The following NTRK1 variants were observed in gnomAD, a reference collection of about 807,000 sequenced individuals.
NTRK1 encodes neurotrophic receptor tyrosine kinase 1.
NTRK1 carries 62 observed loss-of-function variants against 86.8 expected under a neutral mutation model. The ratio of observed to expected loss-of-function variants is 0.71; its 90% CI spans 0.58 to 0.88. The LOEUF is 0.88. NTRK1 is among the 40% of genes least tolerant of loss of function. The pLI is 0.00. For missense variants in NTRK1, 967 were observed against 1,078.4 expected (o/e 0.90, Z 1.45); for synonymous variants, 469 against 456.6 (o/e 1.03, Z -0.35).
At chr1:156,849,535 C>T (rs1655131832) in intron 2 of NTRK1, 8 of 1,131,054 alleles carry the variant, frequency 7.1e-6, no homozygotes, top group Non-Finnish European at 1.0e-5. Flanking sequence ...CTTATGGGTT[C>T]CTCCTGGAAG....
intron 12 of NTRK1, 37 bp downstream of exon 12, chr1:156,875,703 G>GTGTA: frequency 8.4e-7 from 1 of 1,190,220 alleles, no homozygotes. Context: ...AGGGACGAGT[G>GTGTA]TGTGTGTGTG....
upstream of NTRK1, chr1:156,860,741 G>T (rs906600776): frequency 7.7e-5 from 81 of 1,052,718 alleles, no homozygotes; most frequent in Non-Finnish European, 9.6e-5. Flanking sequence ...AGGGGGCAGA[G>T]GGGGGGGCGT....
At chr1:156,844,995 C>A in intron 2 of NTRK1, 2 of 1,527,780 alleles carry the variant, frequency 1.3e-6, no homozygotes, top group Non-Finnish European at 8.9e-7. Flanking sequence ...CTGGGGTTAG[C>A]GAGAAGTCAA....
intron 7 of NTRK1, 38 bp from the exon 8 acceptor site, chr1:156,873,595 C>G (rs369092390): frequency 2.5e-6 from 4 of 1,579,670 alleles, no homozygotes. Flanking sequence ...CCTCCAGCTG[C>G]GCCCTGACCT....
intron 8 of NTRK1, 186 bp downstream of exon 8, chr1:156,874,145 T>C (rs2102907514): frequency 1.1e-6 from 1 of 870,232 alleles, no homozygotes; most frequent in Non-Finnish European, 1.8e-6. Flanking sequence ...CCTGAACTCC[T>C]GAGCTATTCC....
rs1647704858 is a variant in NTRK1, at chr1:156,873,699, A to C, written c.917A>C (p.Asp306Ala). 2.5e-6 allele frequency: 4 copies of C among 1,611,384 alleles called. No homozygotes were observed. The highest frequency in any genetic ancestry group is 3.4e-6 in the Non-Finnish European group (4 of 1,179,398). Residue 306 changes from aspartate to alanine, a missense_variant, in exon 8 of 17, where the codon GAT becomes GCT. Transcript: ENST00000524377. Reference sequence around the variant, plus strand: ...CACTGGTGCATCCCCTTCTCTGTGGATGGGCAGCCGGCACCGTCTCTGCGC... The same window carrying C: ...CACTGGTGCATCCCCTTCTCTGTGGCTGGGCAGCCGGCACCGTCTCTGCGC... Reference protein sequence around the residue: ...MHHWCIPFSVDGQPAPSLRWL... With the variant: ...MHHWCIPFSVAGQPAPSLRWL...
chr1:156,845,433 C>A (rs1453815651), intron 2 of NTRK1: 1 of 1,533,394 alleles, frequency 6.5e-7, no homozygotes, highest in Non-Finnish European at 8.8e-7. Flanking sequence ...CCAGGAGTAG[C>A]CCTATCAGGC....
intron 2 of NTRK1, chr1:156,849,561 G>C (rs970118064): frequency 7.3e-6 from 6 of 824,426 alleles, no homozygotes; most frequent in African/African-American, 3.4e-5. Flanking sequence ...TGCTGGGCCC[G>C]GGGAGAGGGG....
chr1:156,817,363 G>C (rs998802296), intron 1 of NTRK1, among the ~76,000 whole-genome samples: 1 of 151,872 alleles, frequency 6.6e-6, no homozygotes, highest in African/African-American at 2.4e-5. Flanking sequence ...CGAGAGAATC[G>C]CTTGAGCCCA....
At chr1:156,841,221 G>A (rs2102852050) in intron 1 of NTRK1, 1 of 982,896 alleles carries the variant, frequency 1.0e-6, no homozygotes, top group South Asian at 1.5e-5. Context: ...TGCCTGGGAG[G>A]GTGAGAAGGG....
intron 6 of NTRK1, among the ~76,000 whole-genome samples, chr1:156,869,762 G>A (rs148423364): frequency 2.0e-5 from 3 of 152,206 alleles, no homozygotes; most frequent in Admixed American, 1.3e-4. Context: ...TTAGGCTGGC[G>A]ATGGGCCGAT....
chr1:156,864,860 A>G (rs931376860), intron 3 of NTRK1, 61 bp downstream of exon 3: 1 of 1,528,766 alleles, frequency 6.5e-7, no homozygotes. Context: ...TGGGCTGCTA[A>G]TGGGCTTGGC....
At chr1:156,852,941 C>A (rs2102868589) in intron 2 of NTRK1, among the ~76,000 whole-genome samples, 1 of 152,218 alleles carries the variant, frequency 6.6e-6, no homozygotes, top group Middle Eastern at 3.4e-3. Context: ...AGCTGACCTC[C>A]AGGAGCTGAG....
At position 156,841,706 on chromosome 1, in the gene NTRK1, C is replaced by G. The variant is rs764122554; in HGVS notation, c.-63-375C>G. The G allele has an allele frequency of 1.1e-5, 18 of 1,614,160 alleles. No homozygotes were observed. The South Asian group carries it at 1.9e-4, about 17-fold the overall frequency. ...TGGTGAAGATCCCATCTTTGAGGGA[C>G]TCGGGGGCCATCCAGCGCACGGGCA... On this transcript the variant is annotated intron_variant, in intron 1 of 16. Transcript: ENST00000392302.
chr1:156,840,943 G>T (rs1169039229), intron 1 of NTRK1: 1 of 1,614,096 alleles, frequency 6.2e-7, no homozygotes, highest in Admixed American at 1.7e-5. Context: ...CTCTGCATCG[G>T]TGGTAGGCAG....
At chr1:156,879,042 C>A (rs1043188685) in intron 14 of NTRK1, 80 bp from the exon 15 acceptor site, 1 of 1,546,312 alleles carries the variant, frequency 6.5e-7, no homozygotes, top group Non-Finnish European at 8.8e-7. Context: ...CCATCACACG[C>A]GGCTGCTGGG....
chr1:156,875,794 C>T (rs1647869402), intron 12 of NTRK1, 128 bp downstream of exon 12: 1 of 1,320,216 alleles, frequency 7.6e-7, no homozygotes, highest in Non-Finnish European at 1.0e-6. Flanking sequence ...CAGCCCTATT[C>T]CAGCCATAGG....
At chr1:156,876,711 G>T in intron 14 of NTRK1, 139 bp downstream of exon 14, 1 of 1,086,594 alleles carries the variant, frequency 9.2e-7, no homozygotes, top group Non-Finnish European at 1.3e-6. Context: ...CCCGTCCCCA[G>T]GGAGCTCTGA....
upstream of NTRK1, among the ~76,000 whole-genome samples, chr1:156,858,092 T>C (rs1053373179): frequency 6.6e-6 from 1 of 152,162 alleles, no homozygotes; most frequent in Non-Finnish European, 1.5e-5. Flanking sequence ...CAGGACCCAG[T>C]CTAGCTTTAC....
Sources: allele counts gnomAD v4.1 joint callset (sites outside exome capture counted in the v4.1 genomes callset), GRCh38; gene constraint gnomAD v4.1.1; transcripts MANE v1.5; gene names NCBI Gene and HGNC (gene_info 2026-07-23, HGNC 2026-07-21).